WNT3A: variants seen among roughly 807,000 people sequenced by gnomAD.
WNT3A encodes Wnt family member 3A, also known as protein Wnt-3a.
A neutral mutation model predicts 37.0 loss-of-function variants in WNT3A; 17 were observed. The observed-to-expected ratio is 0.46, with a 90% CI of 0.31 to 0.69. WNT3A has a LOEUF of 0.69. Ranked by LOEUF, WNT3A falls within the 30% of genes least tolerant of loss-of-function variation. The pLI is 0.05. For synonymous variants in WNT3A, 187 were observed against 211.0 expected (o/e 0.89, Z 0.99); for missense variants, 411 against 510.2 (o/e 0.81, Z 1.87).
At chr1:228,017,547 T>C (rs1342600074) in intron 1 of WNT3A, among the ~76,000 whole-genome samples, 1 of 152,042 alleles carries the variant, frequency 6.6e-6, no homozygotes, top group Non-Finnish European at 1.5e-5. Context: ...ACACCATCTC[T>C]ACAAAAAATA....
At chr1:228,049,055 G>A (rs373702188) in intron 2 of WNT3A, among the ~76,000 whole-genome samples, 2 of 152,226 alleles carry the variant, frequency 1.3e-5, no homozygotes, top group Non-Finnish European at 2.9e-5. Flanking sequence ...TGTCAGCAGC[G>A]GCAGACACCC....
At chr1:228,032,509 G>A (rs996080535) in intron 2 of WNT3A, among the ~76,000 whole-genome samples, 1 of 152,236 alleles carries the variant, frequency 6.6e-6, no homozygotes, top group East Asian at 1.9e-4. Flanking sequence ...TGGTCTAGGA[G>A]CCTGGTCATA....
rs1315655906 is a variant in WNT3A at position 228,042,210 on chromosome 1, C to T, written c.314-8446C>T. Among the ~76,000 whole-genome samples the T allele has an allele frequency of 6.6e-6, 1 of 152,170 alleles. No homozygotes were observed. Among genetic ancestry groups the T allele is most frequent in the Non-Finnish European group, 1.5e-5 (1 of 68,034 alleles). On this transcript the variant is annotated intron_variant, in intron 2 of 3. Coordinates refer to ENST00000284523, the MANE Select transcript of WNT3A (RefSeq NM_033131.4). The surrounding 1 kb of genome is among the most constrained non-coding windows in gnomAD (Gnocchi z 5.2). Reference sequence around the variant, plus strand: ...GCCAGGATGGTCTCAATCTCTTGACCTCGTCATCTGCCCACCTCAGCCTCC... The same window carrying T: ...GCCAGGATGGTCTCAATCTCTTGACTTCGTCATCTGCCCACCTCAGCCTCC...
At chr1:228,055,646 C>T (rs1436254539) in intron 3 of WNT3A, among the ~76,000 whole-genome samples, 1 of 152,104 alleles carries the variant, frequency 6.6e-6, no homozygotes, top group Non-Finnish European at 1.5e-5. Flanking sequence ...CTCAAGCAGA[C>T]TCAAGAAAAC....
chr1:228,055,209 TATATATATATAC>T, intron 3 of WNT3A, among the ~76,000 whole-genome samples: 1 of 100,090 alleles, frequency 1.0e-5, no homozygotes, highest in Non-Finnish European at 2.0e-5. Context: ...TATATATATA[TATATATATATAC>T]ACACACACAA....
intron 2 of WNT3A, among the ~76,000 whole-genome samples, chr1:228,043,324 T>A (rs2031331736): frequency 6.6e-6 from 1 of 152,184 alleles, no homozygotes; most frequent in Admixed American, 6.5e-5. Context: ...CTTAGGTGGC[T>A]CAAAAAGTTC....
chr1:228,059,789 T>G lies in WNT3A; in HGVS notation c.*324T>G. Reference sequence around the variant, plus strand: ...GCTACAGATTGGGCGGGGCTTCTCTTGGGTGGGACAGGGCTTCTCCTGCGG... The same window carrying G: ...GCTACAGATTGGGCGGGGCTTCTCTGGGGTGGGACAGGGCTTCTCCTGCGG... On this transcript the variant is annotated 3_prime_UTR_variant, in exon 4 of 4. Transcript: ENST00000284523. The G allele has an allele frequency of 1.4e-5, 15 of 1,086,140 alleles. No homozygotes were observed. The highest frequency in any genetic ancestry group is 6.6e-5 in the East Asian group (1 of 15,144). The allele number at this position is 1,086,140 out of a possible 1,614,324, so 67.3% of individuals were successfully genotyped here. A position where few individuals can be genotyped will look rare whatever the true frequency, so the allele number is the denominator to read the frequency against.
At chr1:228,043,800 T>C (rs1390170679) in intron 2 of WNT3A, among the ~76,000 whole-genome samples, 7 of 152,110 alleles carry the variant, frequency 4.6e-5, no homozygotes, top group Admixed American at 3.9e-4. Flanking sequence ...CTCCCAGACA[T>C]ACCCCATCGT....
In WNT3A at chr1:228,049,622, G is replaced by C. The variant is rs138587857; in HGVS notation, c.314-1034G>C. Among the ~76,000 whole-genome samples, 1,261 of 152,170 alleles carry C rather than the reference G, an allele frequency of 8.3e-3. 18 individuals carry two copies. Among genetic ancestry groups the C allele is most frequent in the African/African-American group, 0.028 (1,182 of 41,512 alleles). ...TCCCCTCCATCCAGCTGTGAACAAG[G>C]GTCAGGGTCTGATTTCTCCACATCC... is the stretch of plus-strand genomic sequence containing the variant. On this transcript the variant is annotated intron_variant, in intron 2 of 3. Coordinates refer to ENST00000284523, the MANE Select transcript of WNT3A (RefSeq NM_033131.4).
intron 2 of WNT3A, among the ~76,000 whole-genome samples, chr1:228,027,087 C>T (rs1459561361): frequency 6.6e-6 from 1 of 152,254 alleles, no homozygotes; most frequent in Non-Finnish European, 1.5e-5. Context: ...AGGTGATCCA[C>T]CCGCCTCAGC....
At chr1:228,026,839 A>G (rs2030863954) in intron 2 of WNT3A, among the ~76,000 whole-genome samples, 2 of 151,984 alleles carry the variant, frequency 1.3e-5, no homozygotes, top group African/African-American at 2.4e-5. Context: ...TATATACCAC[A>G]TTTTCTTTAT....
At position 228,037,502 on chromosome 1, in the gene WNT3A, G is replaced by A. The variant is rs575383350; in HGVS notation, c.314-13154G>A. On this transcript the variant is annotated intron_variant, in intron 2 of 3. Transcript: ENST00000284523. This position sits in a 1 kb window ranked among gnomAD's most constrained non-coding sequence, Gnocchi z 4.1. ...CCCAGGAGCCCCTCGGGGGTGGTCC[G>A]CCACCTCCCTGTGTGTCCCCTGCCT... 6.0e-3 allele frequency among the ~76,000 whole-genome samples: 911 copies of A among 151,934 alleles called. 11 individuals are homozygous for A. Among genetic ancestry groups the A allele is most frequent in the African/African-American group, 0.021 (876 of 41,420 alleles).
At chr1:228,041,305 C>A (rs985925244) in intron 2 of WNT3A, among the ~76,000 whole-genome samples, 5 of 152,110 alleles carry the variant, frequency 3.3e-5, no homozygotes, top group Non-Finnish European at 7.4e-5. Flanking sequence ...CCTTGCCTGG[C>A]AGCTCTTCTG....
At chr1:228,034,229 T>C (rs2031083778) in intron 2 of WNT3A, among the ~76,000 whole-genome samples, 1 of 152,002 alleles carries the variant, frequency 6.6e-6, no homozygotes, top group East Asian at 1.9e-4. Flanking sequence ...ACCACTACAC[T>C]CCAGCCTGGG....
chr1:228,009,851 G>C (rs2030319483), intron 1 of WNT3A, among the ~76,000 whole-genome samples: 1 of 151,996 alleles, frequency 6.6e-6, no homozygotes, highest in Admixed American at 6.5e-5. Flanking sequence ...GTGGCCCAGA[G>C]GTGTCTTATA....
intron 3 of WNT3A, among the ~76,000 whole-genome samples, chr1:228,058,499 C>T (rs183125498): frequency 7.2e-5 from 11 of 152,396 alleles, no homozygotes; most frequent in South Asian, 4.1e-4. Context: ...CCTTCCTCTT[C>T]CTCTGCAGTC....
rs146496311 is a variant in WNT3A at position 228,011,171 on chromosome 1, C to T, written c.71+3972C>T. Among the ~76,000 whole-genome samples, 27 of 152,262 alleles carry T rather than the reference C, an allele frequency of 1.8e-4. 1 individual carries two copies. In the East Asian group the frequency reaches 4.8e-3, roughly 27 times the overall value. On this transcript the variant is annotated intron_variant, in intron 1 of 3. Coordinates refer to ENST00000284523, the MANE Select transcript of WNT3A (RefSeq NM_033131.4). ...GAAAGGGTGCAGGAGAGAAGGAGCT[C>T]GGCTGGAATGATGGGTCAGGCATAC...
At chr1:228,013,156 T>C (rs1306130318) in intron 1 of WNT3A, among the ~76,000 whole-genome samples, 1 of 152,126 alleles carries the variant, frequency 6.6e-6, no homozygotes, top group Non-Finnish European at 1.5e-5. Flanking sequence ...CCAGCAGTCC[T>C]CCCATCTTGG....
rs941183068 is a variant in WNT3A, at chr1:228,038,648, T to C, written c.314-12008T>C. On this transcript the variant is annotated intron_variant, in intron 2 of 3. Transcript: ENST00000284523. This position sits in a 1 kb window ranked among gnomAD's most constrained non-coding sequence, Gnocchi z 5.7. ...ACCAGGAGGGAGGGACCCAATGCAT[T>C]CGGGGTGGCCACTGTCCCCACAACT... Among the ~76,000 whole-genome samples the C allele has an allele frequency of 1.3e-5, 2 of 152,030 alleles. No homozygotes were observed. The highest frequency in any genetic ancestry group is 4.8e-5 in the African/African-American group (2 of 41,390).
Sources: allele counts gnomAD v4.1 joint callset (sites outside exome capture counted in the v4.1 genomes callset), GRCh38; gene constraint gnomAD v4.1.1; non-coding constraint Gnocchi (gnomAD v3.1); transcripts MANE v1.5; gene names NCBI Gene and HGNC (gene_info 2026-07-23, HGNC 2026-07-21).